The following SGCD variants were observed in gnomAD, a reference collection of about 807,000 sequenced individuals.
SGCD encodes delta-sarcoglycan.
A neutral mutation model predicts 36.6 loss-of-function variants in SGCD; 18 were observed. The observed-to-expected ratio is 0.49, with a 90% CI of 0.34 to 0.73. The LOEUF (loss-of-function observed/expected upper bound fraction) is 0.73. Among genes scored for constraint, SGCD ranks in the 30% least tolerant of loss-of-function variants. The pLI is 0.01. For missense variants in SGCD, 387 were observed against 346.7 expected, an observed-to-expected ratio of 1.12 and a Z score of -0.92; for synonymous variants, 133 against 130.6, an observed-to-expected ratio of 1.02 and a Z score of -0.12.
chr5:156,468,752 G>A (rs1049026266), intron 3 of SGCD, among the ~76,000 whole-genome samples: 9 of 152,354 alleles, frequency 5.9e-5, no homozygotes, highest in African/African-American at 1.4e-4. Context: ...AGCACTTTGG[G>A]AGGCCAAGAT....
intron 3 of SGCD, among the ~76,000 whole-genome samples, chr5:156,481,501 C>T (rs889790321): frequency 7.9e-5 from 12 of 152,102 alleles, no homozygotes; most frequent in Admixed American, 2.0e-4. Context: ...TTATTGAATA[C>T]ACTTTGTGGA....
At chr5:155,904,498 C>G (rs760638172) in intron 1 of SGCD, among the ~76,000 whole-genome samples, 1 of 152,160 alleles carries the variant, frequency 6.6e-6, no homozygotes, top group Non-Finnish European at 1.5e-5. Flanking sequence ...CTTTGTCTAT[C>G]ATTTTTAATT....
intron 3 of SGCD, among the ~76,000 whole-genome samples, chr5:156,347,079 G>A (rs1434062343): frequency 6.6e-6 from 1 of 152,130 alleles, no homozygotes; most frequent in Non-Finnish European, 1.5e-5. Flanking sequence ...TTACAGGCGT[G>A]AGCCACCGTG....
At chr5:155,772,622 A>G in the SGCD span, among the ~76,000 whole-genome samples, 1 of 152,132 alleles carries the variant, frequency 6.6e-6, no homozygotes, top group African/African-American at 2.4e-5. Flanking sequence ...TTCGGAGTTA[A>G]GTCTTCCAGA....
the SGCD span, among the ~76,000 whole-genome samples, chr5:155,769,624 C>G: frequency 6.6e-6 from 1 of 152,100 alleles, no homozygotes; most frequent in Admixed American, 6.6e-5. Context: ...AGTTTTTAAC[C>G]TTGGCATAGT....
At chr5:156,423,307 T>A (rs374089994) in intron 3 of SGCD, among the ~76,000 whole-genome samples, 229 of 5,374 alleles carry the variant, frequency 0.043, 2 homozygotes, top group Middle Eastern at 0.17. Context: ...ATAATATATT[T>A]TATTATAATA....
At chr5:156,517,038 ACTT>A (rs1178958868) in intron 4 of SGCD, among the ~76,000 whole-genome samples, 1 of 152,176 alleles carries the variant, frequency 6.6e-6, no homozygotes, top group Non-Finnish European at 1.5e-5. Context: ...GTAATAACGG[ACTT>A]CTTTGAGCTA....
chr5:155,846,223 A>C, the SGCD span, among the ~76,000 whole-genome samples: 1 of 152,244 alleles, frequency 6.6e-6, no homozygotes, highest in Non-Finnish European at 1.5e-5. Context: ...CAAACGTAGA[A>C]AGCTGCTAAT....
At chr5:155,756,823 C>T in the SGCD span, among the ~76,000 whole-genome samples, 122,440 of 152,188 alleles carry the variant, frequency 0.8, 50,161 homozygotes, top group African/African-American at 0.94. Context: ...TCTGAAAGCT[C>T]ACATTGAAAT....
chr5:156,138,967 A>T (rs911526326), intron 3 of SGCD, among the ~76,000 whole-genome samples: 1 of 152,176 alleles, frequency 6.6e-6, no homozygotes, highest in Non-Finnish European at 1.5e-5. Flanking sequence ...CTTATTGGCC[A>T]TTTGTATATC....
chr5:155,837,060 A>G, the SGCD span, among the ~76,000 whole-genome samples: 4 of 152,346 alleles, frequency 2.6e-5, no homozygotes, highest in African/African-American at 9.6e-5. Context: ...ATGGGATCAT[A>G]CTTCACATAT....
At chr5:156,296,299 A>G (rs534473314) in intron 3 of SGCD, among the ~76,000 whole-genome samples, 26 of 152,354 alleles carry the variant, frequency 1.7e-4, no homozygotes, top group African/African-American at 6.0e-4. Flanking sequence ...GGAAGGAGGC[A>G]GAGAACTAGA....
At chr5:156,074,764 T>C (rs1760719620) in intron 1 of SGCD, among the ~76,000 whole-genome samples, 1 of 152,244 alleles carries the variant, frequency 6.6e-6, no homozygotes, top group Non-Finnish European at 1.5e-5. Context: ...CTTCACAGAC[T>C]ACTTTGCACA....
intron 1 of SGCD, among the ~76,000 whole-genome samples, chr5:155,892,176 G>C (rs537471600): frequency 2.0e-5 from 3 of 152,028 alleles, no homozygotes; most frequent in Non-Finnish European, 4.4e-5. Context: ...AGAATGAAGC[G>C]GCCAGGCACA....
intron 3 of SGCD, among the ~76,000 whole-genome samples, chr5:156,249,015 G>A (rs567549532): frequency 1.3e-5 from 2 of 152,304 alleles, no homozygotes; most frequent in East Asian, 3.9e-4. Flanking sequence ...TCTTTGAGAT[G>A]TATTGAGTTC....
At chr5:155,949,345 T>C (rs1401129361) in intron 1 of SGCD, among the ~76,000 whole-genome samples, 2 of 152,210 alleles carry the variant, frequency 1.3e-5, no homozygotes, top group Admixed American at 1.3e-4. Flanking sequence ...ATAAGAAAGA[T>C]GGCTAGTCCT....
intron 3 of SGCD, among the ~76,000 whole-genome samples, chr5:156,504,723 T>C (rs1756620633): frequency 6.6e-6 from 1 of 152,180 alleles, no homozygotes; most frequent in Non-Finnish European, 1.5e-5. Flanking sequence ...ATAATAATTT[T>C]CAGCAACAAT....
At position 156,034,111 on chromosome 5, in the gene SGCD, A is replaced by C. The variant is rs186884742; in HGVS notation, c.-281-83767A>C. Among the ~76,000 whole-genome samples, 264 of 152,266 alleles carry C rather than the reference A, an allele frequency of 1.7e-3. 1 individual carries two copies. The highest frequency in any genetic ancestry group is 2.6e-3 in the Non-Finnish European group (174 of 68,028). ...TCTCCTACCCCACTCCTCACACTTGAAGAAACACTTTTTGTCTCCTGCAAA... is the reference window on the plus strand; with the variant it reads ...TCTCCTACCCCACTCCTCACACTTGCAGAAACACTTTTTGTCTCCTGCAAA... On this transcript the variant is annotated intron_variant, in intron 1 of 9. Coordinates refer to the SGCD transcript ENST00000517913.
chr5:156,705,805 C>G (rs991439545), intron 7 of SGCD, among the ~76,000 whole-genome samples: 6 of 152,056 alleles, frequency 3.9e-5, no homozygotes, highest in Non-Finnish European at 5.9e-5. Flanking sequence ...ATTGAATAGT[C>G]CCTTACTAAT....
Sources: allele counts gnomAD v4.1 joint callset (sites outside exome capture counted in the v4.1 genomes callset), GRCh38; gene constraint gnomAD v4.1.1; transcripts MANE v1.5; gene names NCBI Gene and HGNC (gene_info 2026-07-23, HGNC 2026-07-21).